FUT8: variants seen among roughly 807,000 people sequenced by gnomAD.
FUT8 encodes alpha-(1,6)-fucosyltransferase.
FUT8 carries 29 observed loss-of-function variants against 71.3 expected under a neutral mutation model. The ratio of observed to expected loss-of-function variants is 0.41; its 90% CI spans 0.30 to 0.55. The LOEUF is 0.55. FUT8 is among the 20% of genes least tolerant of loss of function. FUT8 has a pLI of 0.34. For synonymous variants in FUT8, 254 were observed against 239.3 expected (o/e 1.06, Z -0.57); for missense variants, 544 against 702.1 (o/e 0.77, Z 2.55).
At chr14:65,537,740 C>T (rs1050733198) in intron 2 of FUT8, among the ~76,000 whole-genome samples, 3 of 152,134 alleles carry the variant, frequency 2.0e-5, no homozygotes, top group African/African-American at 7.2e-5. Flanking sequence ...GCTAATGTTT[C>T]TTCAGTCTTT....
chr14:65,560,869 A>G (rs571532220), intron 2 of FUT8, among the ~76,000 whole-genome samples: 14 of 152,302 alleles, frequency 9.2e-5, no homozygotes, highest in East Asian at 1.9e-4. Context: ...GTTAAGTGGT[A>G]TAATGGCAGC....
chr14:65,469,937 G>A (rs977465391), intron 2 of FUT8, among the ~76,000 whole-genome samples: 6 of 152,190 alleles, frequency 3.9e-5, no homozygotes, highest in African/African-American at 4.8e-5. Context: ...CTGGCAGCCC[G>A]GTCCCCAACG....
In FUT8 at chr14:65,721,682, G is replaced by A. The variant is rs1895423774; in HGVS notation, c.836-93G>A. 6 of 1,227,816 alleles carry A rather than the reference G, an allele frequency of 4.9e-6. No individual in the cohort carries two copies. In the African/African-American group the frequency reaches 7.5e-5, roughly 15 times the overall value. The allele number at this position is 1,227,816 out of a possible 1,614,324, so 76.1% of individuals were successfully genotyped here. A position where few individuals can be genotyped will look rare whatever the true frequency, so the allele number is the denominator to read the frequency against. ...AAGATTATACTTCTTTAGAGTTGCT[G>A]TGAGGATGAAAGCACTCAGAATAAG... On this transcript the variant is annotated intron_variant, in intron 7 of 10. Transcript: ENST00000673929.
At chr14:65,598,064 C>A (rs150554985) in intron 3 of FUT8, among the ~76,000 whole-genome samples, 2 of 152,182 alleles carry the variant, frequency 1.3e-5, no homozygotes, top group African/African-American at 4.8e-5. Flanking sequence ...TTCCCAGCTA[C>A]TCTGGAAGCT....
chr14:65,674,289 G>A (rs1209846588), intron 7 of FUT8, among the ~76,000 whole-genome samples: 2 of 152,128 alleles, frequency 1.3e-5, no homozygotes, highest in African/African-American at 2.4e-5. Context: ...GGGAGAGGAA[G>A]GATATTAGAC....
chr14:65,388,615 A>AGCC, the FUT8 span, among the ~76,000 whole-genome samples: 1 of 152,122 alleles, frequency 6.6e-6, no homozygotes, highest in Non-Finnish European at 1.5e-5. Flanking sequence ...ACAAAAAATT[A>AGCC]GCCGGGCGTG....
At chr14:65,428,988 G>T (rs884247) in intron 1 of FUT8, among the ~76,000 whole-genome samples, 18,797 of 152,122 alleles carry the variant, frequency 0.12, 1,490 homozygotes, top group East Asian at 0.38. Context: ...AAGCTGACAG[G>T]TAACATTCAG....
At chr14:65,722,937 T>C (rs1420517407) in intron 8 of FUT8, among the ~76,000 whole-genome samples, 1 of 152,098 alleles carries the variant, frequency 6.6e-6, no homozygotes, top group East Asian at 1.9e-4. Context: ...AATAGTGATT[T>C]AGTAATTTGG....
rs1168554862 is a variant in FUT8, at chr14:65,638,512, G to A, written c.597+8906G>A. Among the ~76,000 whole-genome samples, 4 of 151,890 alleles carry A rather than the reference G, an allele frequency of 2.6e-5. No individual in the cohort carries two copies. The South Asian group carries it at 6.2e-4, about 24-fold the overall frequency. On this transcript the variant is annotated intron_variant, in intron 6 of 10. Coordinates refer to ENST00000673929, the MANE Select transcript of FUT8 (RefSeq NM_001371533.1). This position sits in a 1 kb window ranked among gnomAD's most constrained non-coding sequence, Gnocchi z 4.5. ...TATTTCACTTTTTAAATGAGGATAGGGATTTTTTTTCATTCAAAAATAAGT... is the reference window on the plus strand; with the variant it reads ...TATTTCACTTTTTAAATGAGGATAGAGATTTTTTTTCATTCAAAAATAAGT...
At chr14:65,730,355 A>G (rs1566921361) in intron 9 of FUT8, among the ~76,000 whole-genome samples, 1 of 152,120 alleles carries the variant, frequency 6.6e-6, no homozygotes, top group Non-Finnish European at 1.5e-5. Flanking sequence ...GTGGCTTGGT[A>G]TTGCACTTCA....
intron 6 of FUT8, among the ~76,000 whole-genome samples, chr14:65,659,800 G>A (rs1891872057): frequency 6.6e-6 from 1 of 151,218 alleles, no homozygotes. Flanking sequence ...CTCCCTTTTT[G>A]AAAAGAGTAC....
At chr14:65,595,602 CTTTTTTTTTTTTT>C (rs34129010) in intron 3 of FUT8, among the ~76,000 whole-genome samples, 1 of 81,756 alleles carries the variant, frequency 1.2e-5, no homozygotes, top group Admixed American at 1.7e-4. Flanking sequence ...ACACCATTCT[CTTTTTTTTTTTTT>C]TTTTTTTTTT....
intron 2 of FUT8, among the ~76,000 whole-genome samples, chr14:65,539,227 G>A (rs576192294): frequency 3.3e-5 from 5 of 152,230 alleles, no homozygotes; most frequent in East Asian, 3.9e-4. Context: ...GTATTTCATC[G>A]TCCTAAATTG....
At chr14:65,629,669 A>G (rs1890075089) in intron 6 of FUT8, 63 bp downstream of exon 6, 2 of 1,138,832 alleles carry the variant, frequency 1.8e-6, no homozygotes, top group East Asian at 2.4e-5. Context: ...TATAACTAAG[A>G]GTAATAATTT....
At chr14:65,626,424 G>C (rs1889899779) in intron 5 of FUT8, among the ~76,000 whole-genome samples, 2 of 152,266 alleles carry the variant, frequency 1.3e-5, no homozygotes, top group South Asian at 4.1e-4. Flanking sequence ...CAGACTTTCT[G>C]ATTTTTGGAT....
intron 2 of FUT8, among the ~76,000 whole-genome samples, chr14:65,542,267 C>T (rs773897804): frequency 2.0e-5 from 3 of 152,138 alleles, no homozygotes; most frequent in Non-Finnish European, 4.4e-5. Context: ...TGATTCTTTA[C>T]TGTCCCATTT....
chr14:65,562,960 G>A (rs17102769), intron 3 of FUT8, among the ~76,000 whole-genome samples: 1,587 of 151,962 alleles, frequency 0.01, 27 homozygotes, highest in African/African-American at 0.037. Flanking sequence ...TTTAGAACTC[G>A]GATTTTTCCC....
chr14:65,598,382 C>G (rs1287521410), intron 3 of FUT8, among the ~76,000 whole-genome samples: 1 of 152,086 alleles, frequency 6.6e-6, no homozygotes, highest in Non-Finnish European at 1.5e-5. Flanking sequence ...GCCACCACCC[C>G]CAGCTAAGTT....
At chr14:65,694,259 T>C (rs1176979198) in intron 7 of FUT8, among the ~76,000 whole-genome samples, 2 of 151,940 alleles carry the variant, frequency 1.3e-5, no homozygotes, top group African/African-American at 2.4e-5. Context: ...GCTTAGATAA[T>C]TGGGTTTAGC....
Sources: gnomAD v4.1 joint callset for allele counts (sites outside exome capture counted in the v4.1 genomes callset) on GRCh38, gnomAD v4.1.1 for gene constraint, Gnocchi (gnomAD v3.1) non-coding constraint, MANE v1.5 for transcripts, NCBI Gene and HGNC (gene_info 2026-07-23, HGNC 2026-07-21) for gene names.